NTNG1: variants seen among roughly 807,000 people sequenced by gnomAD.
The protein encoded by NTNG1 is netrin G1.
Under a neutral mutation model 54.0 loss-of-function variants are expected in NTNG1, and 16 were observed. That is an observed-to-expected ratio of 0.30 (90% CI 0.20 to 0.45). The LOEUF (loss-of-function observed/expected upper bound fraction) is 0.45. NTNG1 is among the 20% of genes least tolerant of loss of function. NTNG1 has a pLI of 1.00. For missense variants in NTNG1, 530 were observed against 678.7 expected, an observed-to-expected ratio of 0.78 and a Z score of 2.43; for synonymous variants, 255 against 263.1, an observed-to-expected ratio of 0.97 and a Z score of 0.30.
chr1:107,307,095 TAAGA>T (rs1373204003), intron 2 of NTNG1, among the ~76,000 whole-genome samples: 1 of 152,242 alleles, frequency 6.6e-6, no homozygotes, highest in African/African-American at 2.4e-5. Context: ...GGTTTGATAC[TAAGA>T]GATAGGTATG....
chr1:107,369,380 C>G (rs925291204), intron 3 of NTNG1, among the ~76,000 whole-genome samples: 2 of 152,102 alleles, frequency 1.3e-5, no homozygotes, highest in Non-Finnish European at 2.9e-5. Context: ...TATGAGAGTT[C>G]CAGTTCCTCC....
chr1:107,246,931 C>T (rs1353340557), intron 2 of NTNG1, among the ~76,000 whole-genome samples: 1 of 151,596 alleles, frequency 6.6e-6, no homozygotes, highest in Non-Finnish European at 1.5e-5. Context: ...AGCCAGGCAT[C>T]GGGTTATTCC....
intron 3 of NTNG1, among the ~76,000 whole-genome samples, chr1:107,358,018 G>A (rs551950602): frequency 2.0e-5 from 3 of 152,144 alleles, no homozygotes; most frequent in Admixed American, 2.0e-4. Flanking sequence ...TCAAATAATA[G>A]ATCATTCCAT....
chr1:107,340,059 C>T (rs7528204), intron 3 of NTNG1, among the ~76,000 whole-genome samples: 2,628 of 152,132 alleles, frequency 0.017, 88 homozygotes, highest in African/African-American at 0.06. Context: ...TTCTGGATGA[C>T]GTTCTGATAG....
intron 5 of NTNG1, chr1:107,418,586 C>G (rs1674369032): frequency 6.2e-7 from 1 of 1,600,968 alleles, no homozygotes; most frequent in South Asian, 1.1e-5. Flanking sequence ...GCAGATCCTC[C>G]AAAGTTTAAT....
chr1:107,399,724 A>G (rs924646462), intron 4 of NTNG1, among the ~76,000 whole-genome samples: 5 of 152,148 alleles, frequency 3.3e-5, no homozygotes, highest in African/African-American at 1.2e-4. Context: ...CACAGCTAGA[A>G]AGGGTTAAAG....
At chr1:107,223,872 G>A (rs942536766) in intron 2 of NTNG1, among the ~76,000 whole-genome samples, 1 of 152,210 alleles carries the variant, frequency 6.6e-6, no homozygotes, top group African/African-American at 2.4e-5. Flanking sequence ...AGATTGAAGG[G>A]TTATCCTTAG....
At chr1:107,239,246 G>A (rs1273108691) in intron 2 of NTNG1, among the ~76,000 whole-genome samples, 2 of 152,164 alleles carry the variant, frequency 1.3e-5, no homozygotes, top group African/African-American at 4.8e-5. Context: ...CAGACATGGA[G>A]CACTAGAAAT....
At chr1:107,420,517 G>T (rs770141437) in intron 5 of NTNG1, among the ~76,000 whole-genome samples, 7 of 151,972 alleles carry the variant, frequency 4.6e-5, no homozygotes, top group Non-Finnish European at 8.8e-5. Flanking sequence ...TTAACAAGCT[G>T]ATATCATCAA....
chr1:107,219,871 G>A (rs1376714821), intron 2 of NTNG1, among the ~76,000 whole-genome samples: 3 of 152,146 alleles, frequency 2.0e-5, no homozygotes, highest in Non-Finnish European at 4.4e-5. Flanking sequence ...GTGTTGGTTA[G>A]CCTCCAACCA....
intron 1 of NTNG1, among the ~76,000 whole-genome samples, chr1:107,146,777 T>A (rs1021004575): frequency 2.6e-5 from 4 of 152,086 alleles, no homozygotes; most frequent in African/African-American, 9.6e-5. Context: ...ATTACTTTGC[T>A]ATGGAAACAC....
At chr1:107,308,577 A>G (rs929442621) in intron 2 of NTNG1, among the ~76,000 whole-genome samples, 1 of 152,128 alleles carries the variant, frequency 6.6e-6, no homozygotes, top group Non-Finnish European at 1.5e-5. Flanking sequence ...GTGTGAAGTC[A>G]AGTAGTGTGA....
chr1:107,336,937 G>T (rs967876371), intron 3 of NTNG1, among the ~76,000 whole-genome samples: 1 of 151,878 alleles, frequency 6.6e-6, no homozygotes, highest in Non-Finnish European at 1.5e-5. Flanking sequence ...CTTCACACCC[G>T]TCAGAATGAT....
At chr1:107,326,296 G>A (rs181812783) in intron 3 of NTNG1, among the ~76,000 whole-genome samples, 36 of 152,126 alleles carry the variant, frequency 2.4e-4, no homozygotes, top group African/African-American at 8.7e-4. Context: ...GGTATATAAC[G>A]AATATATCTT....
intron 5 of NTNG1, among the ~76,000 whole-genome samples, chr1:107,419,143 C>T (rs1406293386): frequency 1.3e-5 from 2 of 151,660 alleles, no homozygotes; most frequent in Non-Finnish European, 2.9e-5. Context: ...CTTTCCCTTC[C>T]TCCTTTTTCC....
chr1:107,156,879 G>A (rs192016284), intron 2 of NTNG1, among the ~76,000 whole-genome samples: 5 of 152,266 alleles, frequency 3.3e-5, no homozygotes, highest in South Asian at 4.2e-4. Context: ...GGTATTAAGC[G>A]AAGTCAGGCC....
chr1:107,476,028 T>C (rs969936876), intron 7 of NTNG1, among the ~76,000 whole-genome samples: 2 of 152,224 alleles, frequency 1.3e-5, no homozygotes, highest in African/African-American at 4.8e-5. Context: ...CAAGAACCCC[T>C]TATGACAGAG....
At chr1:107,175,880 G>A (rs1656607891) in intron 2 of NTNG1, among the ~76,000 whole-genome samples, 1 of 152,158 alleles carries the variant, frequency 6.6e-6, no homozygotes, top group Admixed American at 6.5e-5. Flanking sequence ...TCATAACTTT[G>A]TCAGTTGATT....
intron 7 of NTNG1, among the ~76,000 whole-genome samples, chr1:107,471,532 T>G (rs1211316047): frequency 6.6e-6 from 1 of 152,316 alleles, no homozygotes; most frequent in South Asian, 2.1e-4. Flanking sequence ...CCCTCCCTGC[T>G]ACTCTGGAAA....
Sources: allele counts gnomAD v4.1 joint callset (sites outside exome capture counted in the v4.1 genomes callset), GRCh38; gene constraint gnomAD v4.1.1; transcripts MANE v1.5; gene names NCBI Gene and HGNC (gene_info 2026-07-23, HGNC 2026-07-21).